R3HDM2: variants seen among roughly 807,000 people sequenced by gnomAD.
R3HDM2 encodes the protein R3H domain-containing protein 2.
R3HDM2 carries 38 observed loss-of-function variants against 124.5 expected under a neutral mutation model. The ratio of observed to expected loss-of-function variants is 0.31; its 90% CI spans 0.24 to 0.40. The LOEUF (loss-of-function observed/expected upper bound fraction) is 0.40, where lower values mean the gene tolerates loss of function less well. Ranked by LOEUF, R3HDM2 falls within the 10% of genes least tolerant of loss-of-function variation. The pLI is 1.00. For synonymous variants in R3HDM2, 391 were observed against 448.0 expected (o/e 0.87, Z 1.61); for missense variants, 869 against 1,236.9 (o/e 0.70, Z 4.46).
Position 57,417,399 on chromosome 12 carries a change from A to AG in R3HDM2, c.-106+13320_-106+13321insC, listed in dbSNP as rs1404568871. Among the ~76,000 whole-genome samples, 67 of 152,016 alleles carry AG rather than the reference A, an allele frequency of 4.4e-4. 1 individual carries two copies. Among genetic ancestry groups the AG allele is most frequent in the African/African-American group, 8.4e-4 (35 of 41,454 alleles). ...AATTCCATTTCAAAAAAAAAAAAAA[A>AG]AGAGAGAGACTTCCACATGAAACTG... On this transcript the variant is annotated intron_variant, in intron 1 of 23. Transcript: ENST00000402412.
At chr12:57,287,518 C>T (rs1453922186) in intron 12 of R3HDM2, among the ~76,000 whole-genome samples, 1 of 152,144 alleles carries the variant, frequency 6.6e-6, no homozygotes, top group Non-Finnish European at 1.5e-5. Context: ...AAATCCTCTA[C>T]CCCAAGAATG....
In R3HDM2 at chr12:57,310,325, G is replaced by A. The variant is rs531962393; in HGVS notation, c.104C>T (p.Thr35Ile). Residue 35 changes from threonine to isoleucine, a missense_variant, in exon 3 of 24, where the codon ACT becomes ATT. Thr to Ile is a moderately conservative substitution (Grantham distance 89). Transcript: ENST00000402412. ...SVNKNKFISK[T>I]PSKEEIEKEC... ...TTTCTCAATTTCTTCCTTACTTGGA[G>A]TCTTAGATATAAACTTGTTTTTGTT... The A allele has an allele frequency of 6.5e-7, 1 of 1,548,462 alleles. No individual in the cohort carries two copies. Among genetic ancestry groups the A allele is most frequent in the South Asian group, 1.2e-5 (1 of 83,054 alleles).
chr12:57,381,130 C>T lies in R3HDM2; in HGVS notation c.-36+14619G>A, dbSNP rs144667273. Among the ~76,000 whole-genome samples the T allele has an allele frequency of 1.2e-3, 182 of 152,096 alleles. 1 individual carries two copies. Among genetic ancestry groups the T allele is most frequent in the African/African-American group, 4.1e-3 (171 of 41,490 alleles). On this transcript the variant is annotated intron_variant, in intron 2 of 23. Transcript: ENST00000402412. Reference sequence around the variant, plus strand: ...CCTGTAATCCCTGCTACTTGGGAGGCGGAGACAGGAGAATCACTTGAACCC... The same window carrying T: ...CCTGTAATCCCTGCTACTTGGGAGGTGGAGACAGGAGAATCACTTGAACCC...
chr12:57,326,089 G>A (rs985378527), intron 2 of R3HDM2, among the ~76,000 whole-genome samples: 1 of 152,198 alleles, frequency 6.6e-6, no homozygotes, highest in Non-Finnish European at 1.5e-5. Flanking sequence ...ATGTAAGACA[G>A]TGAACTTAAT....
At chr12:57,323,259 A>G (rs1463995502) in intron 2 of R3HDM2, among the ~76,000 whole-genome samples, 1 of 152,222 alleles carries the variant, frequency 6.6e-6, no homozygotes, top group African/African-American at 2.4e-5. Flanking sequence ...TAAATGCCTA[A>G]CAGCCGTTTG....
intron 19 of R3HDM2, among the ~76,000 whole-genome samples, chr12:57,261,675 A>G (rs2040853410): frequency 7.3e-6 from 1 of 137,022 alleles, no homozygotes; most frequent in African/African-American, 2.7e-5. Context: ...TGATGAGCTG[A>G]TTTTTATGCT....
intron 2 of R3HDM2, among the ~76,000 whole-genome samples, chr12:57,345,030 C>T (rs2059949762): frequency 6.6e-6 from 1 of 152,044 alleles, no homozygotes; most frequent in African/African-American, 2.4e-5. Context: ...TACTGGGTTT[C>T]TCCATGTTGG....
chr12:57,423,721 T>G (rs1337128393), intron 1 of R3HDM2, among the ~76,000 whole-genome samples: 1 of 144,928 alleles, frequency 6.9e-6, no homozygotes, highest in East Asian at 2.1e-4. Context: ...CTGAGGCGAT[T>G]GCTTGAACCC....
At chr12:57,255,790 T>C (rs565838722) in intron 23 of R3HDM2, among the ~76,000 whole-genome samples, 200 bp downstream of exon 23, 2 of 152,228 alleles carry the variant, frequency 1.3e-5, no homozygotes, top group South Asian at 2.1e-4. Flanking sequence ...CTTTTTACCA[T>C]GATCTTCCTC....
Position 57,256,496 on chromosome 12 carries a change from G to A in R3HDM2, c.2465C>T (p.Ser822Phe). 6.3e-7 allele frequency: 1 copy of A among 1,586,014 alleles called. No individual in the cohort carries two copies. The highest frequency in any genetic ancestry group is 8.6e-7 in the Non-Finnish European group (1 of 1,166,118). Residue 822 changes from serine to phenylalanine, a missense_variant, in exon 22 of 24, where the codon TCC (serine) becomes TTC (phenylalanine). Physicochemically the swap from Ser to Phe is radical, Grantham distance 155. Around this residue, in one of 2 missense-constraint regions of R3HDM2, gnomAD observed 602 missense variants for 789.2 expected, o/e 0.76. Coordinates refer to ENST00000402412, the MANE Select transcript of R3HDM2 (RefSeq NM_001394031.1). ...GTACTGTAATGGCTGGCCCAAAAGG[G>A]AGTAGCGCCCATCACCTAGGGAGTA... The part of the protein sequence containing the change: ...GGPAQGDGRY[S>F]LLGQPLQYNL...
At chr12:57,335,397 G>A (rs539918090) in intron 2 of R3HDM2, among the ~76,000 whole-genome samples, 5 of 151,384 alleles carry the variant, frequency 3.3e-5, no homozygotes, top group African/African-American at 7.3e-5. Context: ...TAGTAGACAC[G>A]GGGTTTCACC....
intron 1 of R3HDM2, among the ~76,000 whole-genome samples, chr12:57,397,288 G>A (rs2067643858): frequency 2.0e-5 from 3 of 152,118 alleles, no homozygotes; most frequent in Admixed American, 2.0e-4. Context: ...CTGAGGGCTG[G>A]CTGTTTAATC....
intron 1 of R3HDM2, among the ~76,000 whole-genome samples, chr12:57,400,555 A>G (rs985402975): frequency 5.9e-5 from 9 of 152,166 alleles, no homozygotes; most frequent in African/African-American, 2.2e-4. Context: ...CACGTTGTGC[A>G]CATGTACCCT....
At chr12:57,396,788 A>G (rs1337890151) in intron 1 of R3HDM2, among the ~76,000 whole-genome samples, 1 of 151,204 alleles carries the variant, frequency 6.6e-6, no homozygotes, top group Non-Finnish European at 1.5e-5. Flanking sequence ...AAAAAAAAAA[A>G]AAAAAAGAGT....
At chr12:57,301,893 T>C (rs974814726) in intron 4 of R3HDM2, among the ~76,000 whole-genome samples, 13 of 152,262 alleles carry the variant, frequency 8.5e-5, no homozygotes, top group Non-Finnish European at 1.5e-4. Context: ...ACATGTAGTC[T>C]TCCCTGATAA....
At chr12:57,342,271 C>G (rs2059643740) in intron 2 of R3HDM2, among the ~76,000 whole-genome samples, 1 of 152,172 alleles carries the variant, frequency 6.6e-6, no homozygotes, top group Admixed American at 6.5e-5. Flanking sequence ...GAAATTCCTT[C>G]TGGGAAACCT....
chr12:57,350,287 T>TA (rs2060549393), intron 2 of R3HDM2, among the ~76,000 whole-genome samples: 1 of 151,876 alleles, frequency 6.6e-6, no homozygotes, highest in South Asian at 2.1e-4. Context: ...ATAACAACAA[T>TA]AAAAAATGGG....
intron 2 of R3HDM2, among the ~76,000 whole-genome samples, chr12:57,371,897 C>T (rs780776550): frequency 1.3e-5 from 2 of 152,090 alleles, no homozygotes; most frequent in African/African-American, 2.4e-5. Context: ...GACGGAGTTT[C>T]GCTCTTGTTG....
Position 57,269,895 on chromosome 12 carries a change from T to C in R3HDM2, c.1444A>G (p.Ile482Val). Reference sequence around the variant, plus strand: ...CTAGTCTGCTGAGGGTGCTGGGAGATAAGTGGGGTCTGGAATAGAGCTGCA... The same window carrying C: ...CTAGTCTGCTGAGGGTGCTGGGAGACAAGTGGGGTCTGGAATAGAGCTGCA... ...PSAALFQTPLISQHPQQTSFI... is the reference protein window; with the variant it reads ...PSAALFQTPLVSQHPQQTSFI... Residue 482 changes from isoleucine to valine, a missense_variant, in exon 15 of 24, where the codon ATC becomes GTC. By Grantham distance (29) the Ile-to-Val change is conservative. Transcript: ENST00000402412. 2.5e-6 allele frequency: 4 copies of C among 1,614,066 alleles called. No homozygotes were observed. The highest frequency in any genetic ancestry group is 3.4e-6 in the Non-Finnish European group (4 of 1,180,016).
Sources: allele counts gnomAD v4.1 joint callset (sites outside exome capture counted in the v4.1 genomes callset), GRCh38; gene constraint gnomAD v4.1.1; regional missense constraint gnomAD v4.1.1; transcripts MANE v1.5; gene names NCBI Gene and HGNC (gene_info 2026-07-23, HGNC 2026-07-21).